CALCRL: variants seen among roughly 807,000 people sequenced by gnomAD.
The protein encoded by CALCRL is calcitonin gene-related peptide type 1 receptor.
A neutral mutation model predicts 60.4 loss-of-function variants in CALCRL; 27 were observed. That is an observed-to-expected ratio of 0.45 (90% CI 0.33 to 0.62). The LOEUF is 0.62. CALCRL is among the 20% of genes least tolerant of loss of function. The probability of loss-of-function intolerance (pLI) is 0.03; values close to 1 mark genes in which losing one functional copy is unlikely to be tolerated. For missense variants in CALCRL, 424 were observed against 540.7 expected (o/e 0.78, Z 2.14); for synonymous variants, 190 against 182.6 (o/e 1.04, Z -0.33).
intron 8 of CALCRL, among the ~76,000 whole-genome samples, chr2:187,365,569 A>G (rs918704145): frequency 6.6e-6 from 1 of 152,240 alleles, no homozygotes; most frequent in Non-Finnish European, 1.5e-5. Context: ...GTCCATATCT[A>G]TAAACAACAA....
At chr2:187,352,438 C>A (rs148702438) in intron 12 of CALCRL, 106 bp from the exon 13 acceptor site, 10,693 of 676,344 alleles carry the variant, frequency 0.016, 139 homozygotes, top group Non-Finnish European at 0.021. Context: ...TTTTAATGTA[C>A]AAGAATATTT....
chr2:187,351,774 G>A, intron 14 of CALCRL, 146 bp downstream of exon 14: 1 of 602,972 alleles, frequency 1.7e-6, no homozygotes. Context: ...CCTATGGTAA[G>A]AGATTCTATG....
chr2:187,436,611 G>A (rs1439198571), intron 1 of CALCRL: 2 of 152,114 alleles, frequency 1.3e-5, no homozygotes, highest in African/African-American at 4.8e-5. Context: ...TGTCCCAGTC[G>A]AAAAGGCAGA....
chr2:187,347,088 T>C (rs1686311592), intron 14 of CALCRL, among the ~76,000 whole-genome samples: 2 of 151,826 alleles, frequency 1.3e-5, no homozygotes, highest in Admixed American at 1.3e-4. Context: ...AAATTTGCAG[T>C]TTAATGACTT....
intron 4 of CALCRL, 122 bp downstream of exon 4, chr2:187,385,423 G>A (rs937367338): frequency 5.6e-5 from 33 of 592,070 alleles, no homozygotes; most frequent in South Asian, 2.5e-5. Flanking sequence ...CATTATTGCT[G>A]TATCAATTGG....
At chr2:187,368,540 C>G (rs1243918422) in intron 8 of CALCRL, among the ~76,000 whole-genome samples, 3 of 152,092 alleles carry the variant, frequency 2.0e-5, no homozygotes, top group Non-Finnish European at 4.4e-5. Context: ...GGTTCACTAT[C>G]ATGCAGATCC....
chr2:187,350,692 G>A (rs991589957), intron 14 of CALCRL, among the ~76,000 whole-genome samples: 16 of 151,476 alleles, frequency 1.1e-4, no homozygotes, highest in Non-Finnish European at 1.8e-4. Context: ...TTAAGCAAGC[G>A]CAAATAACAT....
In CALCRL at chr2:187,344,552, T is replaced by C. The variant is rs1686203928; in HGVS notation, c.*1632A>G. 6.6e-6 allele frequency: 1 copy of C among 151,744 alleles called. No individual in the cohort carries two copies. Among genetic ancestry groups the C allele is most frequent in the South Asian group, 2.1e-4 (1 of 4,834 alleles). 9.4% of individuals were successfully genotyped at this position (151,744 alleles called of 1,614,324 possible). A position where few individuals can be genotyped will look rare whatever the true frequency, so the allele number is the denominator to read the frequency against. ...ATAACATTAGAGAAACTGAATCCCA[T>C]GCAAATTTCACTTTAATTCATTAGC... On this transcript the variant is annotated 3_prime_UTR_variant, in exon 15 of 15. Transcript: ENST00000392370.
At chr2:187,410,059 G>A (rs543432926) in intron 1 of CALCRL, among the ~76,000 whole-genome samples, 35 of 152,302 alleles carry the variant, frequency 2.3e-4, no homozygotes, top group African/African-American at 8.2e-4. Context: ...CAGAAAATAG[G>A]TGGTTTAGCA....
At position 187,351,923 on chromosome 2, in the gene CALCRL, T is replaced by C; in HGVS notation, c.1167A>G (p.Gly389=). ...GGAATAAAATCAATTATCATACCTCTCCATTAAAGAAGCAGAAAATGGTAG... is the reference window on the plus strand; with the variant it reads ...GGAATAAAATCAATTATCATACCTCCCCATTAAAGAAGCAGAAAATGGTAG... ...LVSTIFCFFN[G]EVQAILRRNW... The change falls in exon 14 of 15, where the codon GGA becomes GGG. Residue 389 remains glycine (G), a synonymous_variant. Transcript: ENST00000392370. The C allele has an allele frequency of 6.4e-7, 1 of 1,567,888 alleles. No individual in the cohort carries two copies. Among genetic ancestry groups the C allele is most frequent in the Non-Finnish European group, 8.8e-7 (1 of 1,141,064 alleles).
chr2:187,434,613 A>C (rs553086283), intron 1 of CALCRL, among the ~76,000 whole-genome samples: 2 of 152,304 alleles, frequency 1.3e-5, no homozygotes, highest in South Asian at 4.1e-4. Context: ...ATCCTCAAAA[A>C]ATCATGGACA....
chr2:187,382,605 C>A lies in CALCRL; in HGVS notation c.184+568G>T, dbSNP rs374839019. On this transcript the variant is annotated intron_variant, in intron 5 of 14. Coordinates refer to ENST00000392370, the MANE Select transcript of CALCRL (RefSeq NM_005795.6). The stretch of plus-strand genomic sequence containing the variant: ...TTTGTTATTGCTTTATCTGGCAACT[C>A]TGCTTGTGCTACTCATCTTTTATCT... Among the ~76,000 whole-genome samples the A allele has an allele frequency of 8.3e-4, 127 of 152,180 alleles. 5 individuals carry two copies. The South Asian group carries it at 0.025, about 30-fold the overall frequency.
At position 187,383,245 on chromosome 2, in the gene CALCRL, T is replaced by G. The variant is rs911690403; in HGVS notation, c.112A>C (p.Arg38=). The G allele has an allele frequency of 1.2e-6, 2 of 1,612,612 alleles. No individual in the cohort carries two copies. Among genetic ancestry groups the G allele is most frequent in the South Asian group, 1.1e-5 (1 of 90,906 alleles). The change falls in exon 5 of 15, where the codon AGA becomes CGA. Residue 38 remains arginine (R), a synonymous_variant. Transcript: ENST00000392370. The part of the protein sequence containing the change: ...PEDSIQLGVT[R]NKIMTAQYEC... Reference sequence around the variant, plus strand: ...TATTGAGCTGTCATGATTTTATTTCTAGTAACTCCCAACTGAATTGAGTCC... The same window carrying G: ...TATTGAGCTGTCATGATTTTATTTCGAGTAACTCCCAACTGAATTGAGTCC...
chr2:187,422,725 A>C (rs751393560), intron 1 of CALCRL, among the ~76,000 whole-genome samples: 4 of 151,922 alleles, frequency 2.6e-5, no homozygotes, highest in Non-Finnish European at 5.9e-5. Context: ...TGTGTTGCTG[A>C]TAACTTCTAA....
At chr2:187,447,535 AT>A (rs1691248558) in intron 1 of CALCRL, among the ~76,000 whole-genome samples, 1 of 152,188 alleles carries the variant, frequency 6.6e-6, no homozygotes, top group East Asian at 1.9e-4. Flanking sequence ...ATAAAAGCAA[AT>A]GTAATAAATA....
chr2:187,403,449 C>T (rs139825781), intron 1 of CALCRL, among the ~76,000 whole-genome samples: 4 of 152,008 alleles, frequency 2.6e-5, no homozygotes, highest in East Asian at 1.9e-4. Flanking sequence ...AGAAGTTTCA[C>T]GCCCATCGTC....
chr2:187,415,159 G>A (rs1689547375), intron 1 of CALCRL, among the ~76,000 whole-genome samples: 1 of 152,114 alleles, frequency 6.6e-6, no homozygotes, highest in Admixed American at 6.5e-5. Flanking sequence ...GAGAGCTCCA[G>A]ATGATAAGAT....
At chr2:187,447,642 T>G (rs1261200039) in intron 1 of CALCRL, among the ~76,000 whole-genome samples, 1 of 152,078 alleles carries the variant, frequency 6.6e-6, no homozygotes, top group Admixed American at 6.6e-5. Context: ...ACCTCTTTCT[T>G]ACAGCTGATA....
At chr2:187,380,639 G>T in intron 6 of CALCRL, 38 bp downstream of exon 6, 1 of 1,574,402 alleles carries the variant, frequency 6.4e-7, no homozygotes. Flanking sequence ...TTATTAAATA[G>T]ATGTCAAGGA....
Sources: gnomAD v4.1 joint callset for allele counts (sites outside exome capture counted in the v4.1 genomes callset) on GRCh38, gnomAD v4.1.1 for gene constraint, MANE v1.5 for transcripts, NCBI Gene and HGNC (gene_info 2026-07-23, HGNC 2026-07-21) for gene names.